The following PLCH1 variants were observed in gnomAD, a reference collection of about 807,000 sequenced individuals.
PLCH1 encodes the protein phospholipase C eta 1, also known as 1-phosphatidylinositol 4,5-bisphosphate phosphodiesterase eta-1.
A neutral mutation model predicts 126.7 loss-of-function variants in PLCH1; 60 were observed. The ratio of observed to expected loss-of-function variants is 0.47; its 90% CI spans 0.38 to 0.59. PLCH1 has a LOEUF of 0.59. PLCH1 is among the 20% of genes least tolerant of loss of function. The pLI, the probability that PLCH1 is intolerant of heterozygous loss-of-function variation, is 0.00. For synonymous variants in PLCH1, 719 were observed against 734.9 expected (o/e 0.98, Z 0.35); for missense variants, 1,723 against 2,040.0 (o/e 0.84, Z 2.99).
intron 1 of PLCH1, among the ~76,000 whole-genome samples, chr3:155,736,515 C>T (rs1025970318): frequency 2.6e-5 from 4 of 152,196 alleles, no homozygotes; most frequent in African/African-American, 9.7e-5. Context: ...AGCCTTCACT[C>T]CATAAACACA....
At chr3:155,717,899 C>G (rs1283730923) in intron 1 of PLCH1, among the ~76,000 whole-genome samples, 1 of 152,208 alleles carries the variant, frequency 6.6e-6, no homozygotes, top group Non-Finnish European at 1.5e-5. Context: ...AAAGTGTTTT[C>G]TTTCTCTACC....
intron 10 of PLCH1, among the ~76,000 whole-genome samples, chr3:155,525,835 CAA>C (rs1286278766): frequency 6.6e-6 from 1 of 151,906 alleles, no homozygotes; most frequent in Non-Finnish European, 1.5e-5. Context: ...TAAAAAACAG[CAA>C]AAAAGTCTAA....
At chr3:155,486,939 A>G (rs1715309465) in intron 21 of PLCH1, 1 of 152,196 alleles carries the variant, frequency 6.6e-6, no homozygotes, top group Non-Finnish European at 1.5e-5. Context: ...TTTTTGAATT[A>G]TTTACATTTG....
intron 2 of PLCH1, among the ~76,000 whole-genome samples, chr3:155,665,262 G>A (rs1449078309): frequency 6.6e-6 from 1 of 152,164 alleles, no homozygotes; most frequent in African/African-American, 2.4e-5. Context: ...TGGGAAAGCA[G>A]TAAGAAATGT....
At chr3:155,644,106 T>C (rs766793725) in intron 2 of PLCH1, among the ~76,000 whole-genome samples, 12 of 152,146 alleles carry the variant, frequency 7.9e-5, no homozygotes, top group Admixed American at 2.0e-4. Context: ...CAGACAGGTA[T>C]ACATACAGAG....
intron 2 of PLCH1, among the ~76,000 whole-genome samples, chr3:155,667,721 T>C (rs530933579): frequency 3.6e-4 from 54 of 151,960 alleles, no homozygotes; most frequent in African/African-American, 1.3e-3. Context: ...ACATGCCAAC[T>C]TCCCCACCAC....
chr3:155,578,029 T>C (rs1025972694), intron 6 of PLCH1, among the ~76,000 whole-genome samples: 19 of 152,174 alleles, frequency 1.2e-4, no homozygotes, highest in Admixed American at 7.9e-4. Context: ...TCATGATTGA[T>C]TCTCCAACCA....
intron 2 of PLCH1, among the ~76,000 whole-genome samples, chr3:155,613,517 T>C (rs1735406075): frequency 6.6e-6 from 1 of 152,170 alleles, no homozygotes; most frequent in Non-Finnish European, 1.5e-5. Context: ...TCAATAAATA[T>C]GTTACACCAC....
chr3:155,528,229 CAAAAAA>C (rs55712257), intron 10 of PLCH1, among the ~76,000 whole-genome samples: 2 of 124,428 alleles, frequency 1.6e-5, no homozygotes, highest in Non-Finnish European at 3.3e-5. Context: ...GTCTCCCCAC[CAAAAAA>C]AAAAAAAAAA....
chr3:155,521,138 T>G (rs1721037433), intron 11 of PLCH1, among the ~76,000 whole-genome samples: 2 of 152,154 alleles, frequency 1.3e-5, no homozygotes, highest in African/African-American at 4.8e-5. Context: ...CATCTAAAAT[T>G]TCAATAGATC....
Position 155,655,002 on chromosome 3 carries a change from C to T in PLCH1, c.79+49144G>A, listed in dbSNP as rs546123922. On this transcript the variant is annotated intron_variant, in intron 2 of 22. Transcript: ENST00000460012. ...TTACTTAAATACACCATTCCTGACC[C>T]TGTCACAGGGCCTTTGCACTTGCTC... 1.8e-4 allele frequency among the ~76,000 whole-genome samples: 27 copies of T among 152,314 alleles called. 1 individual carries two copies. Among genetic ancestry groups the T allele is most frequent in the Admixed American group, 1.6e-3 (25 of 15,302 alleles).
At chr3:155,464,654 C>A (rs765590670) in intron 21 of PLCH1, among the ~76,000 whole-genome samples, 2 of 152,098 alleles carry the variant, frequency 1.3e-5, no homozygotes, top group Admixed American at 6.5e-5. Context: ...CCGAATGAGT[C>A]CCTTTTCCAT....
chr3:155,589,266 A>G (rs1203910371), intron 4 of PLCH1, among the ~76,000 whole-genome samples: 1 of 151,972 alleles, frequency 6.6e-6, no homozygotes, highest in Non-Finnish European at 1.5e-5. Flanking sequence ...CAACTATTCC[A>G]CTCTGTCACT....
intron 6 of PLCH1, among the ~76,000 whole-genome samples, chr3:155,569,645 C>T (rs1728951314): frequency 6.6e-6 from 1 of 152,098 alleles, no homozygotes; most frequent in African/African-American, 2.4e-5. Context: ...CTGCTGTGAG[C>T]TAGAGAGATT....
chr3:155,735,132 T>A (rs918971173), intron 1 of PLCH1, among the ~76,000 whole-genome samples: 7 of 152,130 alleles, frequency 4.6e-5, no homozygotes, highest in African/African-American at 1.7e-4. Flanking sequence ...AAATACCACA[T>A]GATCTCATAT....
intron 1 of PLCH1, among the ~76,000 whole-genome samples, chr3:155,726,095 G>T (rs1748297559): frequency 6.6e-6 from 1 of 152,020 alleles, no homozygotes; most frequent in African/African-American, 2.4e-5. Context: ...AACTCCTTTT[G>T]CTTCTCCAAC....
chr3:155,473,815 A>G (rs1264077074), intron 21 of PLCH1, among the ~76,000 whole-genome samples: 1 of 151,070 alleles, frequency 6.6e-6, no homozygotes, highest in Non-Finnish European at 1.5e-5. Context: ...GAGAAAAACA[A>G]GCAATGGGGA....
chr3:155,594,819 T>C (rs1732748689), intron 3 of PLCH1, among the ~76,000 whole-genome samples: 1 of 152,224 alleles, frequency 6.6e-6, no homozygotes, highest in Non-Finnish European at 1.5e-5. Flanking sequence ...TGGCAATGAC[T>C]ATGTCAAATT....
chr3:155,476,546 C>A (rs769941311), downstream of PLCH1, among the ~76,000 whole-genome samples: 21 of 152,212 alleles, frequency 1.4e-4, no homozygotes, highest in Non-Finnish European at 2.9e-4. Context: ...TTAGAAAAAA[C>A]TAAAGACTCC....
Sources: gnomAD v4.1 joint callset for allele counts (sites outside exome capture counted in the v4.1 genomes callset) on GRCh38, gnomAD v4.1.1 for gene constraint, MANE v1.5 for transcripts, NCBI Gene and HGNC (gene_info 2026-07-23, HGNC 2026-07-21) for gene names.